The following NUCB1 variants were observed in gnomAD, a reference collection of about 807,000 sequenced individuals.
The protein encoded by NUCB1 is nucleobindin-1.
Under a neutral mutation model 61.2 loss-of-function variants are expected in NUCB1, and 47 were observed. The ratio of observed to expected loss-of-function variants is 0.77; its 90% CI spans 0.61 to 0.98. The LOEUF is 0.98. NUCB1 is among the 50% of genes least tolerant of loss of function. The pLI, the probability that NUCB1 is intolerant of heterozygous loss-of-function variation, is 0.00. For missense variants in NUCB1, 583 were observed against 605.3 expected (o/e 0.96, Z 0.39); for synonymous variants, 234 against 243.1 (o/e 0.96, Z 0.35).
chr19:48,911,747 C>G (rs2122184699), intron 5 of NUCB1, among the ~76,000 whole-genome samples: 1 of 152,100 alleles, frequency 6.6e-6, no homozygotes, highest in East Asian at 1.9e-4. Context: ...AGGCCATCAT[C>G]TTAACTAATT....
chr19:48,919,113 G>A lies in NUCB1; in HGVS notation c.900G>A (p.Val300=). The part of the protein sequence containing the change: ...EEERLRMREH[V]MKNVDTNQDR... ...AGCGACTGCGCATGCGGGAGCATGT[G>A]ATGAAGAATGTGAGGTGGGGGCCAG... The change falls in exon 9 of 13, where the codon GTG becomes GTA. Residue 300 remains valine, a synonymous_variant. Coordinates refer to ENST00000405315, the MANE Select transcript of NUCB1 (RefSeq NM_006184.6). 1.2e-6 allele frequency: 2 copies of A among 1,614,144 alleles called. No homozygotes were observed. The highest frequency in any genetic ancestry group is 1.7e-6 in the Non-Finnish European group (2 of 1,180,020).
In NUCB1 at chr19:48,902,428, T is replaced by A. The variant is rs987646073; in HGVS notation, c.135+1497T>A. 4.1e-5 allele frequency among the ~76,000 whole-genome samples: 6 copies of A among 146,734 alleles called. 1 individual carries two copies. The highest frequency in any genetic ancestry group is 7.6e-5 in the African/African-American group (3 of 39,290). Reference sequence around the variant, plus strand: ...TTTTTCTTTTCCTTTTTCTTTTTTTTTTTTTTTTTTATTTTTGCTGTGTCA... The same window carrying A: ...TTTTTCTTTTCCTTTTTCTTTTTTTATTTTTTTTTTATTTTTGCTGTGTCA... On this transcript the variant is annotated intron_variant, in intron 2 of 12. Coordinates refer to ENST00000405315, the MANE Select transcript of NUCB1 (RefSeq NM_006184.6).
At chr19:48,918,462 T>G in intron 7 of NUCB1, 1 of 451,934 alleles carries the variant, frequency 2.2e-6, no homozygotes, top group Non-Finnish European at 4.0e-6. Context: ...GGCCAGAGAA[T>G]CCTGCATGAC....
chr19:48,921,089 CTCT>C, intron 10 of NUCB1, 62 bp from the exon 11 acceptor site: 1 of 1,516,696 alleles, frequency 6.6e-7, no homozygotes, highest in Non-Finnish European at 8.9e-7. Context: ...TGGCACAACC[CTCT>C]CCAACATGGG....
At chr19:48,906,142 A>G (rs1015635169) in intron 4 of NUCB1, among the ~76,000 whole-genome samples, 5 of 152,182 alleles carry the variant, frequency 3.3e-5, no homozygotes, top group African/African-American at 7.2e-5. Flanking sequence ...ACAGTGGCCC[A>G]CGGCTGTAAT....
chr19:48,911,177 G>A lies in NUCB1; in HGVS notation c.405G>A (p.Leu135=). ...PNVQVDHLNL[L]KQFEHLDPQN... ...TACAGGTGGATCATCTGAATCTCCTGAAACAGTTTGAACACCTGGACCCTC... is the reference window on the plus strand; with the variant it reads ...TACAGGTGGATCATCTGAATCTCCTAAAACAGTTTGAACACCTGGACCCTC... Residue 135 remains leucine, a synonymous_variant, in exon 5 of 13, where the codon CTG becomes CTA. Transcript: ENST00000405315. The A allele has an allele frequency of 6.2e-7, 1 of 1,613,714 alleles. No individual in the cohort carries two copies. The highest frequency in any genetic ancestry group is 2.2e-5 in the East Asian group (1 of 44,870).
chr19:48,913,304 AC>A, intron 6 of NUCB1, 108 bp downstream of exon 6: 1 of 890,794 alleles, frequency 1.1e-6, no homozygotes, highest in Non-Finnish European at 1.7e-6. Flanking sequence ...AGGCAAAAAA[AC>A]TCCCTGTTAC....
intron 7 of NUCB1, among the ~76,000 whole-genome samples, chr19:48,915,946 G>T (rs533404001): frequency 2.6e-5 from 4 of 151,980 alleles, no homozygotes; most frequent in Non-Finnish European, 5.9e-5. Flanking sequence ...ACTGCGCCCA[G>T]CTTTAAAGAT....
rs916493323 is a variant in NUCB1, at chr19:48,900,736, A to G, written c.-11-50A>G. On this transcript the variant is annotated intron_variant, in intron 1 of 12. Coordinates refer to ENST00000405315, the MANE Select transcript of NUCB1 (RefSeq NM_006184.6). ...CCGAACTCCTGGTTCCAGGGGAGGA[A>G]GAGGCTTGGGACAGACATTATGCAT... is the stretch of plus-strand genomic sequence containing the variant. 3 of 1,573,278 alleles carry G rather than the reference A, an allele frequency of 1.9e-6. No homozygotes were observed. In the Admixed American group the frequency reaches 5.3e-5, roughly 28 times the overall value.
chr19:48,901,639 C>T (rs1208611084), intron 2 of NUCB1, among the ~76,000 whole-genome samples: 1 of 152,206 alleles, frequency 6.6e-6, no homozygotes, highest in African/African-American at 2.4e-5. Context: ...TGGCTCACGC[C>T]TATAATCCCA....
In NUCB1 at chr19:48,900,357, C is replaced by T. The variant is rs1223641119; in HGVS notation, c.-27C>T. The T allele has an allele frequency of 1.2e-5, 2 of 168,632 alleles. No individual in the cohort carries two copies. The highest frequency in any genetic ancestry group is 6.0e-5 in the Admixed American group (1 of 16,698). 10.4% of individuals were successfully genotyped at this position (168,632 alleles called of 1,614,324 possible). On this transcript the variant is annotated 5_prime_UTR_variant, in exon 1 of 13. Transcript: ENST00000405315. ...CCTTGCCCGCCCTGGAAAACGCCCT[C>T]TGCGGTGAAGGAGAGGTGAGAGGCC...
chr19:48,912,523 G>A (rs1394717205), intron 5 of NUCB1, among the ~76,000 whole-genome samples: 1 of 152,014 alleles, frequency 6.6e-6, no homozygotes, highest in Non-Finnish European at 1.5e-5. Context: ...TGGGGCAGGA[G>A]CAGTCATGGA....
chr19:48,919,040 T>C lies in NUCB1; in HGVS notation c.827T>C (p.Val276Ala). 6.2e-7 allele frequency: 1 copy of C among 1,613,864 alleles called. No individual in the cohort carries two copies. The highest frequency in any genetic ancestry group is 8.5e-7 in the Non-Finnish European group (1 of 1,179,974). ...CGCTTGCTCCTGCAGCTGGAGAAAG[T>C]GTACGACCCAAAGAATGAGGAGGAC... Reference protein sequence around the residue: ...EALFTKELEKVYDPKNEEDDM... With the variant: ...EALFTKELEKAYDPKNEEDDM... Residue 276 changes from valine (V) to alanine (A), a missense_variant, in exon 9 of 13, where the codon GTG becomes GCG. Coordinates refer to ENST00000405315, the MANE Select transcript of NUCB1 (RefSeq NM_006184.6).
chr19:48,921,078 T>C (rs2037603890), intron 10 of NUCB1, 76 bp from the exon 11 acceptor site: 1 of 1,486,104 alleles, frequency 6.7e-7, no homozygotes, highest in Non-Finnish European at 9.0e-7. Flanking sequence ...ACCTCCCCCA[T>C]TGGCACAACC....
chr19:48,912,328 A>T (rs2037483382), intron 5 of NUCB1, among the ~76,000 whole-genome samples: 1 of 151,980 alleles, frequency 6.6e-6, no homozygotes, highest in Non-Finnish European at 1.5e-5. Context: ...TCCTAGTCTG[A>T]CCTTATGTTC....
In NUCB1 at chr19:48,900,924, A is replaced by T. The variant is rs1030506903; in HGVS notation, c.128A>T (p.Glu43Val). 3 of 1,613,734 alleles carry T rather than the reference A, an allele frequency of 1.9e-6. No homozygotes were observed. The African/African-American group carries it at 4.0e-5, about 22-fold the overall frequency. ...AACAAGGAGGAGACCCCTGCGACTG[A>T]GAGTCCCGTGAGTGGCCCTGCCCTG... The part of the protein sequence containing the change: ...APNKEETPAT[E>V]SPDTGLYYHR... The change falls in exon 2 of 13, where the codon GAG (glutamate) becomes GTG (valine). Residue 43 changes from glutamate to valine, a missense_variant. Transcript: ENST00000405315.
At chr19:48,911,075 G>T in intron 4 of NUCB1, 74 bp from the exon 5 acceptor site, 1 of 1,118,814 alleles carries the variant, frequency 8.9e-7, no homozygotes. Context: ...TGACTTCTTT[G>T]GATCATGTCT....
chr19:48,914,706 G>C (rs1449942140), intron 7 of NUCB1, among the ~76,000 whole-genome samples: 1 of 152,096 alleles, frequency 6.6e-6, no homozygotes, highest in Non-Finnish European at 1.5e-5. Context: ...CAGCACTTTG[G>C]TAGGCCAAGG....
At chr19:48,908,726 GT>G (rs1568584901) in intron 4 of NUCB1, among the ~76,000 whole-genome samples, 22 of 105,902 alleles carry the variant, frequency 2.1e-4, no homozygotes, top group African/African-American at 3.0e-4. Context: ...CAAGGGGTGT[GT>G]GTGTGTGTGT....
Sources: gnomAD v4.1 joint callset for allele counts (sites outside exome capture counted in the v4.1 genomes callset) on GRCh38, gnomAD v4.1.1 for gene constraint, MANE v1.5 for transcripts, NCBI Gene and HGNC (gene_info 2026-07-23, HGNC 2026-07-21) for gene names.